Variants in P4HB observed in about 807,000 individuals in gnomAD.
P4HB encodes the protein prolyl 4-hydroxylase subunit beta, also known as protein disulfide-isomerase.
In P4HB, 20 loss-of-function variants were observed where a neutral mutation model predicts 52.6. The ratio of observed to expected loss-of-function variants is 0.38; its 90% CI spans 0.27 to 0.55. The LOEUF (loss-of-function observed/expected upper bound fraction) is 0.55. P4HB is among the 20% of genes least tolerant of loss of function. The pLI is 0.74. For synonymous variants in P4HB, 296 were observed against 277.9 expected (o/e 1.07, Z -0.65); for missense variants, 601 against 669.2 (o/e 0.90, Z 1.12).
At position 81,843,624 on chromosome 17, in the gene P4HB, C is replaced by G; in HGVS notation, c.*388G>C. The G allele has an allele frequency of 6.4e-6, 3 of 467,506 alleles. No individual in the cohort carries two copies. Among genetic ancestry groups the G allele is most frequent in the Non-Finnish European group, 3.8e-6 (1 of 266,460 alleles). The allele number at this position is 467,506 out of a possible 1,614,324, so 29.0% of individuals were successfully genotyped here. ...GCCTGGCCAAGGTGGAACAAATACC[C>G]TGATGTCGAAAAATGTCTAAAAATC... On this transcript the variant is annotated 3_prime_UTR_variant, in exon 11 of 11. Transcript: ENST00000331483.
chr17:81,859,749 G>A (rs2038968126), intron 1 of P4HB: 2 of 315,978 alleles, frequency 6.3e-6, no homozygotes, highest in Admixed American at 9.1e-5. Flanking sequence ...GTGAAGAAGT[G>A]ACCGTGGCGG....
Position 81,855,124 on chromosome 17 carries a change from C to A in P4HB, c.624+18G>T. 1.2e-6 allele frequency: 2 copies of A among 1,613,508 alleles called. No individual in the cohort carries two copies. Among genetic ancestry groups the A allele is most frequent in the South Asian group, 2.2e-5 (2 of 91,066 alleles). On this transcript the variant is annotated intron_variant, in intron 4 of 10. Coordinates refer to ENST00000331483, the MANE Select transcript of P4HB (RefSeq NM_000918.4). This position sits in a 1 kb window ranked among gnomAD's most constrained non-coding sequence, Gnocchi z 4.3. Reference sequence around the variant, plus strand: ...AACCCCAGAACTAACCTGGGCAGAGCTGCCTGGGGCCACTCACCTTCTTAA... The same window carrying A: ...AACCCCAGAACTAACCTGGGCAGAGATGCCTGGGGCCACTCACCTTCTTAA...
intron 4 of P4HB, among the ~76,000 whole-genome samples, chr17:81,851,795 C>T (rs2038835323): frequency 6.6e-6 from 1 of 152,248 alleles, no homozygotes. Context: ...CACACTCAAT[C>T]ACGGTCTACT....
chr17:81,859,090 TC>T, intron 2 of P4HB, 90 bp downstream of exon 2: 1 of 1,210,388 alleles, frequency 8.3e-7, no homozygotes. Flanking sequence ...GAACCCGGCC[TC>T]CCCACCGCTC....
Position 81,846,339 on chromosome 17 carries a change from G to C in P4HB, c.1056+90C>G. The C allele has an allele frequency of 8.3e-7, 1 of 1,200,082 alleles. No individual in the cohort carries two copies. The highest frequency in any genetic ancestry group is 1.2e-6 in the Non-Finnish European group (1 of 820,114). 74.3% of individuals were successfully genotyped at this position (1,200,082 alleles called of 1,614,324 possible). A position where few individuals can be genotyped will look rare whatever the true frequency, so the allele number is the denominator to read the frequency against. On this transcript the variant is annotated intron_variant, in intron 7 of 10. Coordinates refer to ENST00000331483, the MANE Select transcript of P4HB (RefSeq NM_000918.4). This position sits in a 1 kb window ranked among gnomAD's most constrained non-coding sequence, Gnocchi z 5.7. ...CCTCTTACTCTGAAGATCTTACTTT[G>C]AGGACGAAGCCCAGGACACTGAGAG...
chr17:81,845,227 T>C lies in P4HB; in HGVS notation c.1363A>G (p.Ile455Val). ...AGCGTGCGTTCCCCGTTGTAATCAA[T>C]GACCTGTGGAAGACAGGGATGAGTG... ...FFPASADRTV[I>V]DYNGERTLDG... Residue 455 changes from isoleucine to valine, a missense_variant, in exon 10 of 11, where the codon ATT becomes GTT. Coordinates refer to ENST00000331483, the MANE Select transcript of P4HB (RefSeq NM_000918.4). 2 of 1,612,314 alleles carry C rather than the reference T, an allele frequency of 1.2e-6. No homozygotes were observed. Among genetic ancestry groups the C allele is most frequent in the Non-Finnish European group, 1.7e-6 (2 of 1,178,650 alleles).
chr17:81,843,320 C>G lies in P4HB; in HGVS notation c.*692G>C. The G allele has an allele frequency of 2.5e-6, 1 of 395,734 alleles. No individual in the cohort carries two copies. The highest frequency in any genetic ancestry group is 4.4e-6 in the Non-Finnish European group (1 of 224,786). The allele number at this position is 395,734 out of a possible 1,614,324, so 24.5% of individuals were successfully genotyped here. A position where few individuals can be genotyped will look rare whatever the true frequency, so the allele number is the denominator to read the frequency against. ...GTTCTGCCTTGAACAGGCCACAGGC[C>G]GTGCTGTAGAGAGGCCAGTGGTCAC... is the stretch of plus-strand genomic sequence containing the variant. On this transcript the variant is annotated 3_prime_UTR_variant, in exon 11 of 11. Coordinates refer to ENST00000331483, the MANE Select transcript of P4HB (RefSeq NM_000918.4).
At chr17:81,859,083 CCCGG>C in intron 2 of P4HB, 94 bp downstream of exon 2, 1 of 1,107,066 alleles carries the variant, frequency 9.0e-7, no homozygotes, top group Non-Finnish European at 1.4e-6. Flanking sequence ...GCCTCTGGAA[CCCGG>C]CCTCCCCACC....
chr17:81,857,233 T>C (rs961251274), intron 2 of P4HB, among the ~76,000 whole-genome samples: 5 of 151,974 alleles, frequency 3.3e-5, no homozygotes, highest in African/African-American at 1.2e-4. Context: ...ACTGCAACCT[T>C]ACCTCCCAGG....
rs764359823 is a variant in P4HB at position 81,855,576 on chromosome 17, C to T, written c.363G>A (p.Glu121=). ...TCAGCCAGTTCACGATGTCATCAGC[C>T]TCTCTGCCAGCTAACCCCAAACAAA... ...ASPKEYTAGR[E]ADDIVNWLKK... is the part of the protein sequence containing the mutation. The change falls in exon 3 of 11, where the codon GAG becomes GAA. Residue 121 remains glutamate, a synonymous_variant. Coordinates refer to ENST00000331483, the MANE Select transcript of P4HB (RefSeq NM_000918.4). This position sits in a 1 kb window ranked among gnomAD's most constrained non-coding sequence, Gnocchi z 4.3. 1 of 1,613,436 alleles carries T rather than the reference C, an allele frequency of 6.2e-7. No individual in the cohort carries two copies. The highest frequency in any genetic ancestry group is 8.5e-7 in the Non-Finnish European group (1 of 1,179,810).
intron 4 of P4HB, among the ~76,000 whole-genome samples, chr17:81,853,889 G>A (rs1030659766): frequency 1.3e-5 from 2 of 152,166 alleles, no homozygotes; most frequent in South Asian, 2.1e-4. Context: ...ACAAGTGTGC[G>A]GCCCCAGCCC....
chr17:81,846,363 A>G lies in P4HB; in HGVS notation c.1056+66T>C. On this transcript the variant is annotated intron_variant, in intron 7 of 10. Transcript: ENST00000331483. The surrounding 1 kb of genome is among the most constrained non-coding windows in gnomAD (Gnocchi z 5.7). ...TGAGGACGAAGCCCAGGACACTGAG[A>G]GCCCAGAGACCCCAAGGTGGCGGCT... 1.4e-6 allele frequency: 2 copies of G among 1,422,834 alleles called. No individual in the cohort carries two copies. Among genetic ancestry groups the G allele is most frequent in the Non-Finnish European group, 9.9e-7 (1 of 1,011,200 alleles). The allele number at this position is 1,422,834 out of a possible 1,614,324, so 88.1% of individuals were successfully genotyped here.
chr17:81,845,070 G>T, intron 10 of P4HB, 74 bp downstream of exon 10: 1 of 1,233,960 alleles, frequency 8.1e-7, no homozygotes, highest in Non-Finnish European at 1.2e-6. Context: ...CACAAGCCGA[G>T]CCCAAGTGGG....
intron 4 of P4HB, chr17:81,847,707 T>G: frequency 3.7e-6 from 1 of 270,718 alleles, no homozygotes; most frequent in Non-Finnish European, 7.4e-6. Flanking sequence ...TGAGACAGTC[T>G]CGCTCTGTTG....
chr17:81,858,061 G>A (rs2038939261), intron 2 of P4HB, among the ~76,000 whole-genome samples: 1 of 151,850 alleles, frequency 6.6e-6, no homozygotes, highest in South Asian at 2.1e-4. Context: ...GGATCACGAG[G>A]TCACGATCGA....
At position 81,846,328 on chromosome 17, in the gene P4HB, G is replaced by A; in HGVS notation, c.1056+101C>T. On this transcript the variant is annotated intron_variant, in intron 7 of 10. Transcript: ENST00000331483. The surrounding 1 kb of genome is among the most constrained non-coding windows in gnomAD (Gnocchi z 5.7). ...TTGGGCTCCGTCCTCTTACTCTGAA[G>A]ATCTTACTTTGAGGACGAAGCCCAG... is the stretch of plus-strand genomic sequence containing the variant. 9.1e-7 allele frequency: 1 copy of A among 1,096,086 alleles called. No individual in the cohort carries two copies. Among genetic ancestry groups the A allele is most frequent in the Non-Finnish European group, 1.4e-6 (1 of 730,838 alleles). 67.9% of individuals were successfully genotyped at this position (1,096,086 alleles called of 1,614,324 possible).
Position 81,845,854 on chromosome 17 carries a change from G to A in P4HB, c.1177+17C>T, listed in dbSNP as rs201775800. On this transcript the variant is annotated intron_variant, in intron 8 of 10. Transcript: ENST00000331483. ...CCTGGTGGCACGGACCTGGGGAGCT[G>A]AAAGGGCAACACTTACAGAACTCCA... 1.2e-6 allele frequency: 2 copies of A among 1,614,048 alleles called. No individual in the cohort carries two copies. Among genetic ancestry groups the A allele is most frequent in the Admixed American group, 3.3e-5 (2 of 60,016 alleles).
At chr17:81,847,589 C>T (rs1022643362) in intron 4 of P4HB, 11 of 560,806 alleles carry the variant, frequency 2.0e-5, no homozygotes, top group Non-Finnish European at 3.2e-5. Flanking sequence ...CAATGCAAGC[C>T]TGGCGCACGT....
At chr17:81,854,312 G>A (rs2143349190) in intron 4 of P4HB, among the ~76,000 whole-genome samples, 1 of 152,076 alleles carries the variant, frequency 6.6e-6, no homozygotes, top group South Asian at 2.1e-4. Context: ...GCTGAGGCAG[G>A]CAGACCACTC....
Sources: allele counts gnomAD v4.1 joint callset (sites outside exome capture counted in the v4.1 genomes callset), GRCh38; gene constraint gnomAD v4.1.1; non-coding constraint Gnocchi (gnomAD v3.1); transcripts MANE v1.5; gene names NCBI Gene and HGNC (gene_info 2026-07-23, HGNC 2026-07-21).